The following GPR19 variants were observed in gnomAD, a reference collection of about 807,000 sequenced individuals.
The protein encoded by GPR19 is G protein-coupled receptor 19, also known as probable G protein-coupled receptor 19.
GPR19 carries 14 observed loss-of-function variants against 28.5 expected under a neutral mutation model. The ratio of observed to expected loss-of-function variants is 0.49; its 90% CI spans 0.32 to 0.77. GPR19 has a LOEUF of 0.77. Ranked by LOEUF, GPR19 falls within the 30% of genes least tolerant of loss-of-function variation. The probability of loss-of-function intolerance (pLI) is 0.03; values close to 1 mark genes in which losing one functional copy is unlikely to be tolerated. For missense variants in GPR19, 409 were observed against 504.1 expected, an observed-to-expected ratio of 0.81 and a Z score of 1.81; for synonymous variants, 173 against 184.1, an observed-to-expected ratio of 0.94 and a Z score of 0.49.
rs757037664 is a variant in GPR19 at position 12,661,286 on chromosome 12, G to C, written c.1163C>G (p.Ser388Trp). Residue 388 changes from serine (S) to tryptophan (W), a missense_variant, in exon 4 of 4, where the codon TCG becomes TGG. By Grantham distance (177) the Ser-to-Trp change is radical. Coordinates refer to ENST00000651487, the MANE Select transcript of GPR19 (RefSeq NM_006143.3). The surrounding 1 kb of genome is among the most constrained non-coding windows in gnomAD (Gnocchi z 4.2). The stretch of plus-strand genomic sequence containing the variant: ...TTCTCTGTCAAATGAGTCATAGATC[G>C]AGTCTTTGGTAATAGTTTTGGCCAT... ...PSMAKTITKD[S>W]IYDSFDREAK... The C allele has an allele frequency of 6.2e-7, 1 of 1,613,420 alleles. No individual in the cohort carries two copies. The highest frequency in any genetic ancestry group is 1.3e-5 in the African/African-American group (1 of 75,028).
At chr12:12,692,976 G>A (rs1436556330) in intron 2 of GPR19, among the ~76,000 whole-genome samples, 1 of 152,170 alleles carries the variant, frequency 6.6e-6, no homozygotes, top group African/African-American at 2.4e-5. Context: ...ACTTCATGTG[G>A]CAAAAGATAT....
chr12:12,700,642 T>C (rs573664616), upstream of GPR19, among the ~76,000 whole-genome samples: 6 of 152,296 alleles, frequency 3.9e-5, no homozygotes, highest in African/African-American at 1.4e-4. Flanking sequence ...TAATAAAAAA[T>C]ACACAATTAA....
Position 12,661,806 on chromosome 12 carries a change from G to C in GPR19, c.643C>G (p.Pro215Ala). The change falls in exon 4 of 4, where the codon CCC (proline) becomes GCC (alanine). Residue 215 changes from proline to alanine, a missense_variant. Pro to Ala is a conservative substitution (Grantham distance 27). Coordinates refer to ENST00000651487, the MANE Select transcript of GPR19 (RefSeq NM_006143.3). The surrounding 1 kb of genome is among the most constrained non-coding windows in gnomAD (Gnocchi z 4.2). Reference protein sequence around the residue: ...NWDSHCNYFLPSSWEGTAYTV... With the variant: ...NWDSHCNYFLASSWEGTAYTV... ...TAGGCAGTGCCTTCCCAAGAGGAGG[G>C]GAGGAAATAGTTACAATGACTGTCC... The C allele has an allele frequency of 6.2e-7, 1 of 1,614,088 alleles. No homozygotes were observed.
chr12:12,709,974 G>A, the GPR19 span, among the ~76,000 whole-genome samples: 3 of 152,168 alleles, frequency 2.0e-5, no homozygotes, highest in Non-Finnish European at 1.5e-5. Flanking sequence ...CAGAGGTTAT[G>A]GGAACAGAGT....
chr12:12,705,811 A>G, the GPR19 span, among the ~76,000 whole-genome samples: 1 of 152,086 alleles, frequency 6.6e-6, no homozygotes, highest in African/African-American at 2.4e-5. Context: ...CCACCTCCCA[A>G]ATTGCTGGGA....
intron 3 of GPR19, among the ~76,000 whole-genome samples, chr12:12,665,768 C>A (rs1240127126): frequency 8.5e-6 from 1 of 117,340 alleles, no homozygotes; most frequent in African/African-American, 3.3e-5. Flanking sequence ...ACCCGGGAGG[C>A]GGAGCTTGCA....
At chr12:12,665,464 G>A (rs1945756961) in intron 3 of GPR19, among the ~76,000 whole-genome samples, 1 of 152,186 alleles carries the variant, frequency 6.6e-6, no homozygotes, top group Non-Finnish European at 1.5e-5. Flanking sequence ...CCTGCTGGTG[G>A]CATAAGTTCT....
chr12:12,709,470 TC>T, the GPR19 span, among the ~76,000 whole-genome samples: 7 of 152,212 alleles, frequency 4.6e-5, no homozygotes, highest in Admixed American at 3.3e-4. Flanking sequence ...AGACAGGGTC[TC>T]ACTCTGTTGC....
At position 12,665,490 on chromosome 12, in the gene GPR19, C is replaced by T. The variant is rs1420675603; in HGVS notation, c.-22-3020G>A. Among the ~76,000 whole-genome samples, 4 of 152,186 alleles carry T rather than the reference C, an allele frequency of 2.6e-5. No homozygotes were observed. In the South Asian group the frequency reaches 8.3e-4, roughly 31 times the overall value. On this transcript the variant is annotated intron_variant, in intron 3 of 3. Transcript: ENST00000651487. ...CATAAGTTCTCACTCCACCTAAAAT[C>T]GCTGCAGTTCTGAATATTCATTCAA...
chr12:12,712,079 TC>T, the GPR19 span, among the ~76,000 whole-genome samples: 1 of 152,142 alleles, frequency 6.6e-6, no homozygotes, highest in Non-Finnish European at 1.5e-5. Context: ...AACAGGCACC[TC>T]CCCACTCACA....
chr12:12,706,636 C>G, the GPR19 span, among the ~76,000 whole-genome samples: 1 of 152,204 alleles, frequency 6.6e-6, no homozygotes, highest in Non-Finnish European at 1.5e-5. Flanking sequence ...ATCTGTTCAT[C>G]TCTCAATCAA....
chr12:12,696,924 C>A (rs1246532472), upstream of GPR19, among the ~76,000 whole-genome samples: 1 of 152,080 alleles, frequency 6.6e-6, no homozygotes. Flanking sequence ...AGAGCTGTCA[C>A]GGAAGATGTT....
the GPR19 span, among the ~76,000 whole-genome samples, chr12:12,703,718 A>G: frequency 5.9e-5 from 9 of 152,242 alleles, no homozygotes; most frequent in East Asian, 1.7e-3. Context: ...CTGAGTTAGG[A>G]GCCCAAGCCA....
chr12:12,679,852 G>A (rs577581770), intron 3 of GPR19, among the ~76,000 whole-genome samples: 1 of 152,136 alleles, frequency 6.6e-6, no homozygotes, highest in South Asian at 2.1e-4. Context: ...TGTGCTTATT[G>A]GGTGTCTTCA....
the GPR19 span, among the ~76,000 whole-genome samples, chr12:12,703,612 C>G: frequency 5.3e-5 from 8 of 151,804 alleles, no homozygotes; most frequent in Non-Finnish European, 8.8e-5. Flanking sequence ...CTAGTTCTTA[C>G]TGTACTTCCT....
chr12:12,713,009 T>G, the GPR19 span, among the ~76,000 whole-genome samples: 1 of 150,582 alleles, frequency 6.6e-6, no homozygotes, highest in South Asian at 2.1e-4. Context: ...GCCAGGCCAA[T>G]AATAAAAGCC....
chr12:12,701,657 C>G, the GPR19 span, among the ~76,000 whole-genome samples: 1 of 152,134 alleles, frequency 6.6e-6, no homozygotes, highest in Non-Finnish European at 1.5e-5. Context: ...AAGGCCAGGC[C>G]AGGTGGCTCA....
chr12:12,667,627 G>A (rs189701547), intron 3 of GPR19, among the ~76,000 whole-genome samples: 1 of 151,536 alleles, frequency 6.6e-6, no homozygotes, highest in East Asian at 1.9e-4. Flanking sequence ...GGAGGCAGAG[G>A]TTGCAATGAG....
intron 3 of GPR19, among the ~76,000 whole-genome samples, chr12:12,669,571 C>T (rs1037526308): frequency 3.3e-5 from 5 of 152,142 alleles, no homozygotes; most frequent in Non-Finnish European, 4.4e-5. Flanking sequence ...ACATAGGGAA[C>T]CCTGAGCCAA....
Sources: allele counts gnomAD v4.1 joint callset (sites outside exome capture counted in the v4.1 genomes callset), GRCh38; gene constraint gnomAD v4.1.1; non-coding constraint Gnocchi (gnomAD v3.1); transcripts MANE v1.5; gene names NCBI Gene and HGNC (gene_info 2026-07-23, HGNC 2026-07-21).